The following PNKD variants were observed in gnomAD, a reference collection of about 807,000 sequenced individuals.
PNKD encodes the protein PNKD metallo-beta-lactamase domain containing, also known as probable thioesterase PNKD.
PNKD carries 36 observed loss-of-function variants against 45.3 expected under a neutral mutation model. The observed-to-expected ratio is 0.80, with a 90% CI of 0.61 to 1.05. PNKD has a LOEUF of 1.05. Among genes scored for constraint, PNKD ranks in the 50% least tolerant of loss-of-function variants. PNKD has a pLI of 0.00. For missense variants in PNKD, 511 were observed against 506.6 expected (o/e 1.01, Z -0.08); for synonymous variants, 197 against 210.1 (o/e 0.94, Z 0.54).
intron 2 of PNKD, chr2:218,283,905 G>C (rs1443190157): frequency 6.6e-6 from 1 of 152,204 alleles, no homozygotes; most frequent in Non-Finnish European, 1.5e-5. Flanking sequence ...GGTAACTCAC[G>C]CCTGTAATCC....
At chr2:218,319,454 C>A (rs1693921675) in intron 2 of PNKD, among the ~76,000 whole-genome samples, 1 of 141,150 alleles carries the variant, frequency 7.1e-6, no homozygotes, top group South Asian at 2.2e-4. Flanking sequence ...CGGCTCACTG[C>A]AACCTCCGCC....
rs1180906867 is a variant in PNKD, at chr2:218,326,723, C to A, written c.237-13060C>A. ...CTTAATTCCACCCCTGTCTTCCAAG[C>A]CTGTCCTACCCACCACCCAGCAGGA... On this transcript the variant is annotated intron_variant, in intron 2 of 9. Coordinates refer to ENST00000273077, the MANE Select transcript of PNKD (RefSeq NM_015488.5). The surrounding 1 kb of genome is among the most constrained non-coding windows in gnomAD (Gnocchi z 4.1). 6.6e-6 allele frequency among the ~76,000 whole-genome samples: 1 copy of A among 152,146 alleles called. No individual in the cohort carries two copies. Among genetic ancestry groups the A allele is most frequent in the Non-Finnish European group, 1.5e-5 (1 of 68,028 alleles).
chr2:218,315,108 CCTTCCTTCCTTCCTTT>C (rs1489404593), intron 2 of PNKD, among the ~76,000 whole-genome samples: 4 of 131,902 alleles, frequency 3.0e-5, no homozygotes, highest in African/African-American at 5.9e-5. Context: ...TTCCTTCCTT[CCTTCCTTCCTTCCTTT>C]CTTTCTTTCT....
intron 2 of PNKD, among the ~76,000 whole-genome samples, chr2:218,335,250 G>A (rs1694455207): frequency 6.6e-6 from 1 of 152,148 alleles, no homozygotes; most frequent in African/African-American, 2.4e-5. Context: ...GGGAGACTGA[G>A]GCAGGCAGAT....
At chr2:218,341,712 C>A in intron 6 of PNKD, 86 bp downstream of exon 6, 1 of 1,048,546 alleles carries the variant, frequency 9.5e-7, no homozygotes, top group Non-Finnish European at 1.5e-6. Context: ...TCAGGGGTAT[C>A]AGCAGGTGGA....
chr2:218,288,908 G>A (rs1692732259), intron 2 of PNKD, among the ~76,000 whole-genome samples: 1 of 152,138 alleles, frequency 6.6e-6, no homozygotes, highest in Admixed American at 6.5e-5. Flanking sequence ...TTGCAACAGT[G>A]CTGTGAGGTA....
Position 218,333,619 on chromosome 2 carries a change from T to G in PNKD, c.237-6164T>G, listed in dbSNP as rs371117324. The stretch of plus-strand genomic sequence containing the variant: ...CATGTTATAGATGAGGAACCTCATC[T>G]GTGAAACTCATGACTTGCCCAAGGT... On this transcript the variant is annotated intron_variant, in intron 2 of 9. Coordinates refer to ENST00000273077, the MANE Select transcript of PNKD (RefSeq NM_015488.5). 7.9e-5 allele frequency among the ~76,000 whole-genome samples: 12 copies of G among 152,294 alleles called. No individual in the cohort carries two copies. The East Asian group carries it at 1.5e-3, about 20-fold the overall frequency.
At chr2:218,295,885 T>C (rs1693128899) in intron 2 of PNKD, among the ~76,000 whole-genome samples, 2 of 142,396 alleles carry the variant, frequency 1.4e-5, no homozygotes, top group African/African-American at 2.6e-5. Flanking sequence ...GGCTCTGCAC[T>C]CCCAGGCTGG....
chr2:218,284,370 G>A (rs768546738), intron 2 of PNKD: 8 of 152,250 alleles, frequency 5.3e-5, no homozygotes, highest in East Asian at 1.9e-4. Flanking sequence ...ACCTTTGCTC[G>A]GCCAGAGAGC....
At position 218,302,906 on chromosome 2, in the gene PNKD, C is replaced by T. The variant is rs77685154; in HGVS notation, c.236+31357C>T. On this transcript the variant is annotated intron_variant, in intron 2 of 9. Coordinates refer to ENST00000273077, the MANE Select transcript of PNKD (RefSeq NM_015488.5). ...GATTGGCAATTGATTAAAAGAGTTACCTAAAGGCCTGGAGGTTTTTTTTCT... is the reference window on the plus strand; with the variant it reads ...GATTGGCAATTGATTAAAAGAGTTATCTAAAGGCCTGGAGGTTTTTTTTCT... Among the ~76,000 whole-genome samples, 596 of 152,010 alleles carry T rather than the reference C, an allele frequency of 3.9e-3. 5 individuals are homozygous for T. Among genetic ancestry groups the T allele is most frequent in the African/African-American group, 0.011 (473 of 41,466 alleles).
chr2:218,276,056 A>G lies in PNKD; in HGVS notation c.236+4507A>G, dbSNP rs1343487949. 2.5e-6 allele frequency: 4 copies of G among 1,613,268 alleles called. No individual in the cohort carries two copies. In the South Asian group the frequency reaches 3.3e-5, roughly 13 times the overall value. ...TGAAACAAATGGCCCCCAGAGCAGCATAGAGCATGTGGAGCCAGTAAACCT... is the reference window on the plus strand; with the variant it reads ...TGAAACAAATGGCCCCCAGAGCAGCGTAGAGCATGTGGAGCCAGTAAACCT... On this transcript the variant is annotated intron_variant, in intron 2 of 9. Transcript: ENST00000273077.
At chr2:218,304,934 G>A (rs1366012456) in intron 2 of PNKD, among the ~76,000 whole-genome samples, 8 of 152,026 alleles carry the variant, frequency 5.3e-5, no homozygotes, top group African/African-American at 9.7e-5. Context: ...TTAGCCAGGC[G>A]TGGTGGCGGG....
chr2:218,275,504 CA>C lies in PNKD; in HGVS notation c.236+3958del, dbSNP rs1242052714. The stretch of plus-strand genomic sequence containing the variant: ...TTGCGATCCCCCATCAGCTGCAGCA[CA>C]AAGGTGAAGATGTAGATGATGTCTG... On this transcript the variant is annotated intron_variant, in intron 2 of 9. Coordinates refer to ENST00000273077, the MANE Select transcript of PNKD (RefSeq NM_015488.5). 1.9e-6 allele frequency: 3 copies of C among 1,613,970 alleles called. No homozygotes were observed. The Admixed American group carries it at 5.0e-5, about 27-fold the overall frequency.
chr2:218,301,655 T>G (rs1693277977), intron 2 of PNKD, among the ~76,000 whole-genome samples: 1 of 152,162 alleles, frequency 6.6e-6, no homozygotes, highest in South Asian at 2.1e-4. Context: ...GGCATGGTTG[T>G]GCGTGCCTGT....
At chr2:218,282,855 G>C (rs1298586191) in intron 2 of PNKD, among the ~76,000 whole-genome samples, 7 of 152,248 alleles carry the variant, frequency 4.6e-5, no homozygotes, top group Non-Finnish European at 1.0e-4. Flanking sequence ...CTGTGCCAAA[G>C]GGCCAGCTTG....
chr2:218,334,783 T>A (rs1559529647), intron 2 of PNKD: 2 of 701,706 alleles, frequency 2.9e-6, no homozygotes, highest in Non-Finnish European at 5.2e-6. Context: ...GATCACTGGC[T>A]TAAGGTGGAG....
At chr2:218,338,041 G>A (rs1215040510) in intron 2 of PNKD, among the ~76,000 whole-genome samples, 1 of 152,268 alleles carries the variant, frequency 6.6e-6, no homozygotes. Flanking sequence ...CAGCTACTCA[G>A]GAGGCTGAGG....
Position 218,340,738 on chromosome 2 carries a change from A to T in PNKD, c.476A>T (p.Glu159Val), listed in dbSNP as rs758928375. The T allele has an allele frequency of 1.8e-5, 29 of 1,613,554 alleles. No homozygotes were observed. The highest frequency in any genetic ancestry group is 2.2e-5 in the Non-Finnish European group (26 of 1,179,660). Residue 159 changes from glutamate to valine, a missense_variant, in exon 5 of 10, where the codon GAA becomes GTA. Glu to Val is a moderately radical substitution (Grantham distance 121). Coordinates refer to ENST00000273077, the MANE Select transcript of PNKD (RefSeq NM_015488.5). This position sits in a 1 kb window ranked among gnomAD's most constrained non-coding sequence, Gnocchi z 4.2. The part of the protein sequence containing the change: ...SDPRAVQASI[E>V]KEGVTLVAIL... ...TCCTCTCTCTCGCAGGCTTCCATTG[A>T]AAAGGAAGGGGTCACCTTGGTCGCC...
rs1464542910 is a variant in PNKD, at chr2:218,280,003, C to T, written c.236+8454C>T. ...ACAGCCTGAGGGGCCCCAGGTACAC[C>T]CACCTCCCAGCGCGTATCTTACCTT... On this transcript the variant is annotated intron_variant, in intron 2 of 9. Transcript: ENST00000273077. The T allele has an allele frequency of 2.5e-6, 4 of 1,606,070 alleles. No homozygotes were observed. In the South Asian group the frequency reaches 4.4e-5, roughly 18 times the overall value.
Sources: gnomAD v4.1 joint callset for allele counts (sites outside exome capture counted in the v4.1 genomes callset) on GRCh38, gnomAD v4.1.1 for gene constraint, Gnocchi (gnomAD v3.1) non-coding constraint, MANE v1.5 for transcripts, NCBI Gene and HGNC (gene_info 2026-07-23, HGNC 2026-07-21) for gene names.